Variants in AXIN1 observed in about 807,000 individuals in gnomAD.
The protein encoded by AXIN1 is axin-1.
Under a neutral mutation model 76.4 loss-of-function variants are expected in AXIN1, and 30 were observed. That is an observed-to-expected ratio of 0.39 (90% CI 0.29 to 0.53). The LOEUF is 0.53. AXIN1 is among the 20% of genes least tolerant of loss of function. The probability of loss-of-function intolerance (pLI) is 0.66; values close to 1 mark genes in which losing one functional copy is unlikely to be tolerated. For synonymous variants in AXIN1, 545 were observed against 501.4 expected (o/e 1.09, Z -1.16); for missense variants, 1,140 against 1,198.8 (o/e 0.95, Z 0.72).
At chr16:320,556 AAC>A (rs1249889606) in intron 2 of AXIN1, among the ~76,000 whole-genome samples, 4 of 152,002 alleles carry the variant, frequency 2.6e-5, no homozygotes, top group Non-Finnish European at 4.4e-5. Context: ...CACATCCCTT[AAC>A]ACACACGTGC....
rs777864001 is a variant in AXIN1 at position 346,553 on chromosome 16, C to T, written c.473G>A (p.Arg158Gln). The T allele has an allele frequency of 2.2e-5, 35 of 1,613,928 alleles. No homozygotes were observed. Among genetic ancestry groups the T allele is most frequent in the South Asian group, 3.3e-5 (3 of 91,060 alleles). The change falls in exon 2 of 11, where the codon CGG becomes CAG. Residue 158 changes from arginine (R) to glutamine (Q), a missense_variant. This residue lies in a region of AXIN1 where 708 missense variants were observed against 776.9 expected (regional missense o/e 0.91). Coordinates refer to ENST00000262320, the MANE Select transcript of AXIN1 (RefSeq NM_003502.4). ...GCTCTTGGTGGCTGGCTTGGTCTGCCGGGACACGATGCCATTGTTATCAAG... is the reference window on the plus strand; with the variant it reads ...GCTCTTGGTGGCTGGCTTGGTCTGCTGGGACACGATGCCATTGTTATCAAG... ...YILDNNGIVS[R>Q]QTKPATKSFI...
intron 5 of AXIN1, among the ~76,000 whole-genome samples, chr16:302,107 A>C (rs971987375): frequency 1.3e-5 from 2 of 151,974 alleles, no homozygotes; most frequent in African/African-American, 4.9e-5. Flanking sequence ...CCAGGAAGCA[A>C]GCGAGCCGCT....
chr16:348,623 G>A (rs72765862), intron 1 of AXIN1, among the ~76,000 whole-genome samples: 6,549 of 152,210 alleles, frequency 0.043, 185 homozygotes, highest in Non-Finnish European at 0.066. Flanking sequence ...AACATAGTGA[G>A]ACCCAATCTC....
At chr16:303,245 G>A (rs2052923004) in intron 5 of AXIN1, among the ~76,000 whole-genome samples, 1 of 152,190 alleles carries the variant, frequency 6.6e-6, no homozygotes, top group East Asian at 1.9e-4. Context: ...TGGGAGGAGC[G>A]CACACTGGGG....
At chr16:336,033 G>A (rs1207307147) in intron 2 of AXIN1, among the ~76,000 whole-genome samples, 2 of 152,090 alleles carry the variant, frequency 1.3e-5, no homozygotes, top group Non-Finnish European at 2.9e-5. Flanking sequence ...TCAGGAGTTC[G>A]AGACCAGCCT....
At chr16:338,482 C>T (rs907190843) in intron 2 of AXIN1, among the ~76,000 whole-genome samples, 5 of 152,274 alleles carry the variant, frequency 3.3e-5, no homozygotes, top group African/African-American at 1.2e-4. Flanking sequence ...GCAAAGGGGC[C>T]TCTCGGTTCC....
At chr16:347,922 G>A (rs369957777) in intron 1 of AXIN1, among the ~76,000 whole-genome samples, 1 of 152,194 alleles carries the variant, frequency 6.6e-6, no homozygotes, top group African/African-American at 2.4e-5. Context: ...TAGTAAATGG[G>A]TACTTCAAGG....
intron 3 of AXIN1, among the ~76,000 whole-genome samples, chr16:313,019 A>G (rs1345004722): frequency 6.6e-6 from 1 of 152,140 alleles, no homozygotes; most frequent in Admixed American, 6.5e-5. Flanking sequence ...CACAAAAATA[A>G]TCATCATCAT....
intron 2 of AXIN1, among the ~76,000 whole-genome samples, chr16:329,704 A>G (rs1345194577): frequency 1.3e-5 from 2 of 149,150 alleles, no homozygotes; most frequent in Admixed American, 1.3e-4. Context: ...GCTCACTGCA[A>G]GCTCCGCCTC....
At chr16:341,319 C>T (rs1208408082) in intron 2 of AXIN1, among the ~76,000 whole-genome samples, 3 of 152,234 alleles carry the variant, frequency 2.0e-5, no homozygotes, top group African/African-American at 7.2e-5. Context: ...CAGCTGGAGT[C>T]CCGGGTGGGC....
chr16:339,368 G>A (rs543221314), intron 2 of AXIN1, among the ~76,000 whole-genome samples: 136 of 150,500 alleles, frequency 9.0e-4, no homozygotes, highest in African/African-American at 3.1e-3. Context: ...AAAATTAGCC[G>A]GGCGTGGTGA....
At chr16:298,659 CACCACGCCCA>C (rs2052786501) in intron 5 of AXIN1, among the ~76,000 whole-genome samples, 2 of 152,192 alleles carry the variant, frequency 1.3e-5, no homozygotes, top group Admixed American at 6.5e-5. Flanking sequence ...AGCCGTGTGC[CACCACGCCCA>C]GCTAATTTTT....
rs2141468906 is a variant in AXIN1 at position 289,581 on chromosome 16, C to G, written c.2321G>C (p.Gly774Ala). 6.2e-7 allele frequency: 1 copy of G among 1,612,934 alleles called. No homozygotes were observed. Among genetic ancestry groups the G allele is most frequent in the Non-Finnish European group, 8.5e-7 (1 of 1,179,978 alleles). Residue 774 changes from glycine (G) to alanine (A), a missense_variant, in exon 10 of 11, where the codon GGC becomes GCC. Coordinates refer to ENST00000262320, the MANE Select transcript of AXIN1 (RefSeq NM_003502.4). Reference protein sequence around the residue: ...TETRSQRKVGGGSAQPCDSIV... With the variant: ...TETRSQRKVGAGSAQPCDSIV... ...GCTGTCACACGGCTGGGCACTCCCG[C>G]CGCCCACCTTCCTCTGCGATCTTGT...
At chr16:341,747 A>T (rs900241527) in intron 2 of AXIN1, among the ~76,000 whole-genome samples, 15 of 152,224 alleles carry the variant, frequency 9.9e-5, no homozygotes, top group Non-Finnish European at 1.9e-4. Context: ...TGTCTAGCTC[A>T]GGGACTGTAA....
chr16:314,313 C>G (rs2053249699), intron 3 of AXIN1, among the ~76,000 whole-genome samples: 1 of 152,130 alleles, frequency 6.6e-6, no homozygotes, highest in Non-Finnish European at 1.5e-5. Flanking sequence ...ACCTGGGGAG[C>G]CAGGAAACAC....
chr16:328,585 A>G (rs2053628171), intron 2 of AXIN1, among the ~76,000 whole-genome samples: 2 of 151,652 alleles, frequency 1.3e-5, no homozygotes, highest in African/African-American at 4.8e-5. Context: ...AATCCCAGCT[A>G]CTCGGGAGGC....
chr16:294,306 A>G (rs1013747697), intron 7 of AXIN1, among the ~76,000 whole-genome samples: 3 of 151,692 alleles, frequency 2.0e-5, no homozygotes, highest in Non-Finnish European at 2.9e-5. Context: ...CTCAAAAAAT[A>G]CAAAAAATTA....
chr16:339,196 C>CAAAAAAAA (rs1002630324), intron 2 of AXIN1, among the ~76,000 whole-genome samples: 1 of 34,672 alleles, frequency 2.9e-5, no homozygotes, highest in Non-Finnish European at 5.4e-5. Context: ...AGCCTGGTCT[C>CAAAAAAAA]AAAAAAAAAA....
intron 3 of AXIN1, among the ~76,000 whole-genome samples, chr16:313,924 A>G (rs908216798): frequency 2.0e-5 from 3 of 152,176 alleles, no homozygotes; most frequent in African/African-American, 7.2e-5. Flanking sequence ...CAGCACAACC[A>G]CAGCATCTTC....
Sources: gnomAD v4.1 joint callset for allele counts (sites outside exome capture counted in the v4.1 genomes callset) on GRCh38, gnomAD v4.1.1 for gene constraint, gnomAD v4.1.1 regional missense constraint, MANE v1.5 for transcripts, NCBI Gene and HGNC (gene_info 2026-07-23, HGNC 2026-07-21) for gene names.